Variants in TRIM27 observed in about 807,000 individuals in gnomAD.
TRIM27 encodes the protein tripartite motif containing 27.
In TRIM27, 12 loss-of-function variants were observed where a neutral mutation model predicts 57.6. The ratio of observed to expected loss-of-function variants is 0.21; its 90% confidence interval spans 0.13 to 0.34. The LOEUF (loss-of-function observed/expected upper bound fraction) is 0.34. Among genes scored for constraint, TRIM27 ranks in the 10% least tolerant of loss-of-function variants. The probability of loss-of-function intolerance (pLI) is 1.00; values close to 1 mark genes in which losing one functional copy is unlikely to be tolerated. For synonymous variants in TRIM27, 266 were observed against 259.0 expected, an observed-to-expected ratio of 1.03 and a Z score of -0.26; for missense variants, 403 against 656.8, an observed-to-expected ratio of 0.61 and a Z score of 4.22.
Position 28,904,401 on chromosome 6 carries a change from T to C in TRIM27, c.1211A>G (p.Asn404Ser), listed in dbSNP as rs1190703538. 2 of 1,613,014 alleles carry C rather than the reference T, an allele frequency of 1.2e-6. No individual in the cohort carries two copies. The highest frequency in any genetic ancestry group is 1.1e-5 in the South Asian group (1 of 91,084). ...RKGGVTSAPQ[N>S]GFWAVSLWYG... is the part of the protein sequence containing the mutation. The stretch of plus-strand genomic sequence containing the variant: ...CCACAAAGACACTGCCCAGAATCCA[T>C]TCTGGGGGGCTGAGGTTACTCCACC... Residue 404 changes from asparagine to serine, a missense_variant, in exon 8 of 8, where the codon AAT (asparagine) becomes AGT (serine). Asn to Ser is a conservative substitution (Grantham distance 46). Coordinates refer to ENST00000377199, the MANE Select transcript of TRIM27 (RefSeq NM_006510.5). The surrounding 1 kb of genome is among the most constrained non-coding windows in gnomAD (Gnocchi z 6.1).
chr6:28,919,891 C>A, intron 3 of TRIM27, 121 bp downstream of exon 3: 1 of 904,270 alleles, frequency 1.1e-6, no homozygotes, highest in Non-Finnish European at 1.6e-6. Flanking sequence ...TAGAGTTTGG[C>A]AAGCTCTTGC....
In TRIM27 at chr6:28,923,961, T is replaced by C; in HGVS notation, c.-329A>G. 1 of 349,860 alleles carries C rather than the reference T, an allele frequency of 2.9e-6. No individual in the cohort carries two copies. The highest frequency in any genetic ancestry group is 5.1e-6 in the Non-Finnish European group (1 of 194,916). The allele number at this position is 349,860 out of a possible 1,614,324, so 21.7% of individuals were successfully genotyped here. On this transcript the variant is annotated 5_prime_UTR_variant, in exon 1 of 8. Coordinates refer to ENST00000377199, the MANE Select transcript of TRIM27 (RefSeq NM_006510.5). ...AAGCGCGCAAGACAACGTGGCCGCG[T>C]CCGAGCGGATGCCGGCGGCAGCGTA... is the stretch of plus-strand genomic sequence containing the variant.
intron 3 of TRIM27, among the ~76,000 whole-genome samples, chr6:28,919,199 C>T (rs1204131308): frequency 1.3e-5 from 2 of 151,904 alleles, no homozygotes; most frequent in Non-Finnish European, 2.9e-5. Context: ...TTAGTAGAGA[C>T]GGGGTTTCCC....
chr6:28,915,998 C>A (rs1414380945), intron 3 of TRIM27, among the ~76,000 whole-genome samples: 3 of 152,000 alleles, frequency 2.0e-5, no homozygotes, highest in African/African-American at 7.2e-5. Flanking sequence ...CTCACTACAA[C>A]CTCTGCCTCC....
chr6:28,923,446 T>G lies in TRIM27; in HGVS notation c.187A>C (p.Arg63=). 1 of 1,612,218 alleles carries G rather than the reference T, an allele frequency of 6.2e-7. No homozygotes were observed. Among genetic ancestry groups the G allele is most frequent in the Non-Finnish European group, 8.5e-7 (1 of 1,179,460 alleles). The change falls in exon 1 of 8, where the codon AGG becomes CGG. Residue 63 remains arginine (R), a synonymous_variant. Coordinates refer to ENST00000377199, the MANE Select transcript of TRIM27 (RefSeq NM_006510.5). ...AGGTGCCGGTTGGGCCGCATGTGCCTCTGCGGGAAGGTCTCCCGGCACTGC... is the reference window on the plus strand; with the variant it reads ...AGGTGCCGGTTGGGCCGCATGTGCCGCTGCGGGAAGGTCTCCCGGCACTGC... ...CPQCRETFPQ[R]HMRPNRHLAN... is the part of the protein sequence containing the mutation.
At position 28,904,993 on chromosome 6, in the gene TRIM27, A is replaced by G; in HGVS notation, c.947-328T>C. The G allele has an allele frequency of 6.7e-6, 2 of 298,650 alleles. No individual in the cohort carries two copies. Among genetic ancestry groups the G allele is most frequent in the Non-Finnish European group, 1.2e-5 (2 of 160,220 alleles). 18.5% of individuals were successfully genotyped at this position (298,650 alleles called of 1,614,324 possible). A position where few individuals can be genotyped will look rare whatever the true frequency, so the allele number is the denominator to read the frequency against. ...AGTGGTGTGGTCATAGTTCATTGTAACCCCAAACTCCTGGGCTCAGGTGAT... is the reference window on the plus strand; with the variant it reads ...AGTGGTGTGGTCATAGTTCATTGTAGCCCCAAACTCCTGGGCTCAGGTGAT... On this transcript the variant is annotated intron_variant, in intron 7 of 7. Transcript: ENST00000377199. The surrounding 1 kb of genome is among the most constrained non-coding windows in gnomAD (Gnocchi z 6.1).
intron 3 of TRIM27, among the ~76,000 whole-genome samples, chr6:28,913,835 C>T (rs1773400155): frequency 6.6e-6 from 1 of 151,852 alleles, no homozygotes; most frequent in African/African-American, 2.4e-5. Flanking sequence ...AGAACTATCA[C>T]TTGTATTTGT....
In TRIM27 at chr6:28,904,888, T is replaced by G; in HGVS notation, c.947-223A>C. ...CAGAATTTTAGCCCCGTATCTTTTC[T>G]TTCACATCTGAAGCCACAATATCCA... On this transcript the variant is annotated intron_variant, in intron 7 of 7. Coordinates refer to ENST00000377199, the MANE Select transcript of TRIM27 (RefSeq NM_006510.5). This position sits in a 1 kb window ranked among gnomAD's most constrained non-coding sequence, Gnocchi z 6.1. 1.8e-6 allele frequency: 1 copy of G among 559,270 alleles called. No homozygotes were observed. The allele number at this position is 559,270 out of a possible 1,614,324, so 34.6% of individuals were successfully genotyped here.
At chr6:28,910,335 T>A (rs115318295) in intron 4 of TRIM27, among the ~76,000 whole-genome samples, 59,000 of 151,370 alleles carry the variant, frequency 0.39, 12,796 homozygotes, top group African/African-American at 0.57. Context: ...TTTCTTACTT[T>A]TTTTTTTCTT....
chr6:28,911,409 C>T, intron 4 of TRIM27: 1 of 366,386 alleles, frequency 2.7e-6, no homozygotes, highest in Non-Finnish European at 4.8e-6. Context: ...ACATAAACTA[C>T]CCTTATATTC....
At chr6:28,912,695 G>A (rs547119246) in intron 3 of TRIM27, among the ~76,000 whole-genome samples, 3 of 152,046 alleles carry the variant, frequency 2.0e-5, no homozygotes, top group African/African-American at 7.2e-5. Flanking sequence ...CCAGTATTTT[G>A]CAATTATAAA....
chr6:28,921,701 GC>G (rs1170952735), intron 2 of TRIM27, among the ~76,000 whole-genome samples, 190 bp downstream of exon 2: 1 of 152,146 alleles, frequency 6.6e-6, no homozygotes, highest in Non-Finnish European at 1.5e-5. Context: ...TCCAAACTTG[GC>G]TTCTCCATGC....
chr6:28,909,599 T>C (rs1390252345), intron 4 of TRIM27, among the ~76,000 whole-genome samples: 1 of 152,214 alleles, frequency 6.6e-6, no homozygotes, highest in Non-Finnish European at 1.5e-5. Context: ...AGCACCTAGC[T>C]CACAGCTTTT....
chr6:28,915,352 T>C (rs1773527044), intron 3 of TRIM27: 1 of 150,012 alleles, frequency 6.7e-6, no homozygotes, highest in Admixed American at 6.6e-5. Flanking sequence ...CTCACGTCTA[T>C]TATACCAGCA....
rs777462145 is a variant in TRIM27 at position 28,919,994 on chromosome 6, G to A, written c.747+18C>T. 9 of 1,605,504 alleles carry A rather than the reference G, an allele frequency of 5.6e-6. No homozygotes were observed. The highest frequency in any genetic ancestry group is 1.7e-5 in the Admixed American group (1 of 59,678). ...ATTTTCAGTGGGTGCTGCTCTAGCA[G>A]GGCTCTGCAAGCCTTACCTGCAGGA... On this transcript the variant is annotated intron_variant, in intron 3 of 7. Coordinates refer to ENST00000377199, the MANE Select transcript of TRIM27 (RefSeq NM_006510.5).
intron 3 of TRIM27, among the ~76,000 whole-genome samples, chr6:28,913,268 A>AT (rs201596640): frequency 0.032 from 4,281 of 133,740 alleles, 135 homozygotes; most frequent in African/African-American, 0.099. Flanking sequence ...AAAAAAAAAA[A>AT]AATATATATA....
chr6:28,908,263 A>G (rs1030552013), intron 6 of TRIM27: 7 of 155,562 alleles, frequency 4.5e-5, no homozygotes, highest in African/African-American at 1.7e-4. Flanking sequence ...GGAGGTAAGA[A>G]CTATTACTGT....
chr6:28,923,829 G>GC lies in TRIM27; in HGVS notation c.-198dup. ...TGGCCGGGCCGATGCCTGCGCCTGT[G>GC]CCCCCTAAGCGAGAGCGGGAATACG... On this transcript the variant is annotated 5_prime_UTR_variant, in exon 1 of 8. Transcript: ENST00000377199. 1 of 598,318 alleles carries GC rather than the reference G, an allele frequency of 1.7e-6. No homozygotes were observed. The highest frequency in any genetic ancestry group is 2.8e-6 in the Non-Finnish European group (1 of 355,168). The allele number at this position is 598,318 out of a possible 1,614,324, so 37.1% of individuals were successfully genotyped here.
rs868574138 is a variant in TRIM27 at position 28,904,773 on chromosome 6, T to C, written c.947-108A>G. ...AATAATAAGAGGTTCCCACTGGAGG[T>C]TGCACGTATTTTATTTAGAATATAT... On this transcript the variant is annotated intron_variant, in intron 7 of 7. Coordinates refer to ENST00000377199, the MANE Select transcript of TRIM27 (RefSeq NM_006510.5). This position sits in a 1 kb window ranked among gnomAD's most constrained non-coding sequence, Gnocchi z 6.1. 65 of 717,394 alleles carry C rather than the reference T, an allele frequency of 9.1e-5. No individual in the cohort carries two copies. The highest frequency in any genetic ancestry group is 8.0e-4 in the Middle Eastern group (2 of 2,500). 44.4% of individuals were successfully genotyped at this position (717,394 alleles called of 1,614,324 possible).
Sources: allele counts gnomAD v4.1 joint callset (sites outside exome capture counted in the v4.1 genomes callset), GRCh38; gene constraint gnomAD v4.1.1; non-coding constraint Gnocchi (gnomAD v3.1); transcripts MANE v1.5; gene names NCBI Gene and HGNC (gene_info 2026-07-23, HGNC 2026-07-21).